FIP1L1: variants seen among roughly 807,000 people sequenced by gnomAD.
FIP1L1 encodes factor interacting with PAPOLA and CPSF1.
FIP1L1 carries 21 observed loss-of-function variants against 84.6 expected under a neutral mutation model. The ratio of observed to expected loss-of-function variants is 0.25; its 90% confidence interval spans 0.18 to 0.36. The LOEUF (loss-of-function observed/expected upper bound fraction) is 0.36. FIP1L1 is among the 10% of genes least tolerant of loss of function. The probability of loss-of-function intolerance (pLI) is 1.00; values close to 1 mark genes in which losing one functional copy is unlikely to be tolerated. For synonymous variants in FIP1L1, 263 were observed against 242.3 expected, an observed-to-expected ratio of 1.09 and a Z score of -0.80; for missense variants, 526 against 751.1, an observed-to-expected ratio of 0.70 and a Z score of 3.50.
chr4:53,428,274 A>C, intron 13 of FIP1L1, 91 bp downstream of exon 13: 1 of 1,258,418 alleles, frequency 7.9e-7, no homozygotes. Context: ...TATCTTGATC[A>C]CATTTCATTA....
At chr4:53,425,846 G>T (rs1764120639) in intron 11 of FIP1L1, 26 bp from the exon 12 acceptor site, 1 of 1,530,612 alleles carries the variant, frequency 6.5e-7, no homozygotes, top group South Asian at 1.2e-5. Flanking sequence ...AGGTGAAACT[G>T]AATTGATTCA....
At chr4:53,452,806 C>G (rs1298612648) in intron 15 of FIP1L1, 114 bp from the exon 16 acceptor site, 1 of 744,916 alleles carries the variant, frequency 1.3e-6, no homozygotes, top group African/African-American at 1.8e-5. Context: ...TGTGATATTT[C>G]TCTTTTCTAT....
chr4:53,434,680 C>A (rs1768293448), intron 13 of FIP1L1, among the ~76,000 whole-genome samples: 1 of 152,104 alleles, frequency 6.6e-6, no homozygotes, highest in Non-Finnish European at 1.5e-5. Context: ...GTTGGTCAGG[C>A]TGGTCTTGAA....
rs200532181 is a variant in FIP1L1, at chr4:53,390,643, G to A, written c.505+15G>A. The A allele has an allele frequency of 7.2e-5, 109 of 1,518,470 alleles. No homozygotes were observed. In the African/African-American group the frequency reaches 7.9e-4, roughly 11 times the overall value. 94.1% of individuals were successfully genotyped at this position (1,518,470 alleles called of 1,614,324 possible). Reference sequence around the variant, plus strand: ...GCGTAAACCTGGTAAGATTATTGTGGATTATATTAATTTCAATATTTTCAG... The same window carrying A: ...GCGTAAACCTGGTAAGATTATTGTGAATTATATTAATTTCAATATTTTCAG... On this transcript the variant is annotated intron_variant, in intron 7 of 17. Transcript: ENST00000337488.
intron 11 of FIP1L1, among the ~76,000 whole-genome samples, chr4:53,420,066 C>T (rs1365082913): frequency 1.6e-4 from 25 of 151,880 alleles, no homozygotes; most frequent in African/African-American, 5.5e-4. Context: ...GGCGCGGTGG[C>T]GAGCGCCTGT....
chr4:53,453,126 T>C lies in FIP1L1; in HGVS notation c.1492T>C (p.Phe498Leu). 1.2e-6 allele frequency: 2 copies of C among 1,614,078 alleles called. No individual in the cohort carries two copies. The highest frequency in any genetic ancestry group is 8.5e-7 in the Non-Finnish European group (1 of 1,179,974). ...ERDHSPTPSV[F>L]NSDEERYRYR... ...TGATCACAGTCCTACACCAAGTGTT[T>C]TCAACAGGTTTGTTGGGTGTGCAGG... Residue 498 changes from phenylalanine to leucine, a missense_variant, in exon 16 of 18, where the codon TTC becomes CTC. Around this residue, in one of 6 missense-constraint regions of FIP1L1, gnomAD observed 89 missense variants for 169.0 expected, o/e 0.53. Coordinates refer to ENST00000337488, the MANE Select transcript of FIP1L1 (RefSeq NM_030917.4).
At chr4:53,419,057 T>C (rs1761044572) in intron 11 of FIP1L1, among the ~76,000 whole-genome samples, 1 of 152,172 alleles carries the variant, frequency 6.6e-6, no homozygotes, top group Non-Finnish European at 1.5e-5. Flanking sequence ...AAGATTCTTG[T>C]AGAGCTGTGT....
At chr4:53,449,822 AGTTTTT>A (rs534907806) in intron 15 of FIP1L1, among the ~76,000 whole-genome samples, 2 of 152,036 alleles carry the variant, frequency 1.3e-5, no homozygotes, top group Non-Finnish European at 2.9e-5. Context: ...GAGTTTGGTA[AGTTTTT>A]GTTTTTGTTT....
rs1175495615 is a variant in FIP1L1 at position 53,413,635 on chromosome 4, TAC to T, written c.816-978_816-977del. ...CCTATTCAGTAGTTTAGGATTTGTT[TAC>T]AGTTTTTTCTTTGTCTCTTTTTAGG... On this transcript the variant is annotated intron_variant, in intron 10 of 17. Transcript: ENST00000337488. 2.0e-5 allele frequency among the ~76,000 whole-genome samples: 3 copies of T among 152,238 alleles called. No homozygotes were observed. In the East Asian group the frequency reaches 5.8e-4, roughly 29 times the overall value.
intron 13 of FIP1L1, among the ~76,000 whole-genome samples, chr4:53,436,862 A>G (rs966010291): frequency 2.0e-5 from 3 of 151,576 alleles, no homozygotes; most frequent in African/African-American, 7.3e-5. Flanking sequence ...TCTTACCCCC[A>G]CCCACTTTTA....
At chr4:53,410,466 A>G (rs1346345215) in intron 10 of FIP1L1, among the ~76,000 whole-genome samples, 1 of 152,192 alleles carries the variant, frequency 6.6e-6, no homozygotes, top group Non-Finnish European at 1.5e-5. Context: ...CTACCACTGC[A>G]CTGTATGCTC....
chr4:53,390,167 C>T (rs1286522258), intron 6 of FIP1L1, among the ~76,000 whole-genome samples: 7 of 152,088 alleles, frequency 4.6e-5, no homozygotes, highest in African/African-American at 1.7e-4. Flanking sequence ...CTTGAACTTT[C>T]GAGCTTAAGT....
chr4:53,460,658 A>G lies in FIP1L1; in HGVS notation c.*1209A>G. On this transcript the variant is annotated 3_prime_UTR_variant, in exon 18 of 18. Coordinates refer to ENST00000337488, the MANE Select transcript of FIP1L1 (RefSeq NM_030917.4). Reference sequence around the variant, plus strand: ...TAGTTGTTTTAGGGCTTTTTATTGAATAGAAAAAATATAAACAATGTTGTA... The same window carrying G: ...TAGTTGTTTTAGGGCTTTTTATTGAGTAGAAAAAATATAAACAATGTTGTA... 2.6e-6 allele frequency: 1 copy of G among 380,716 alleles called. No individual in the cohort carries two copies. The highest frequency in any genetic ancestry group is 4.6e-6 in the Non-Finnish European group (1 of 216,532). 23.6% of individuals were successfully genotyped at this position (380,716 alleles called of 1,614,324 possible). A position where few individuals can be genotyped will look rare whatever the true frequency, so the allele number is the denominator to read the frequency against.
intron 5 of FIP1L1, among the ~76,000 whole-genome samples, chr4:53,386,093 G>A (rs991230070): frequency 6.7e-6 from 1 of 148,848 alleles, no homozygotes; most frequent in African/African-American, 2.5e-5. Context: ...TTATATGTAA[G>A]TAAGGTATGA....
intron 10 of FIP1L1, among the ~76,000 whole-genome samples, chr4:53,401,658 GT>G (rs926117342): frequency 1.3e-5 from 2 of 152,198 alleles, no homozygotes; most frequent in Non-Finnish European, 2.9e-5. Flanking sequence ...TGAATCCAAG[GT>G]TTTTGTTCTG....
intron 13 of FIP1L1, chr4:53,442,425 G>A (rs1463084044): frequency 4.5e-6 from 2 of 440,108 alleles, no homozygotes; most frequent in Admixed American, 8.0e-5. Context: ...CCGGTGTCCT[G>A]ACTCCCAGTT....
At chr4:53,391,917 A>G (rs1029189195) in intron 9 of FIP1L1, among the ~76,000 whole-genome samples, 12 of 152,188 alleles carry the variant, frequency 7.9e-5, no homozygotes, top group Non-Finnish European at 1.8e-4. Flanking sequence ...TATAACACTG[A>G]TATCATTGGT....
chr4:53,378,562 A>G (rs1225855398), intron 1 of FIP1L1: 1 of 152,980 alleles, frequency 6.5e-6, no homozygotes, highest in Non-Finnish European at 1.5e-5. Context: ...ACTACCGTTT[A>G]ACCTACATCA....
intron 15 of FIP1L1, 75 bp from the exon 16 acceptor site, chr4:53,452,845 A>G: frequency 1.9e-6 from 2 of 1,053,344 alleles, no homozygotes; most frequent in Admixed American, 1.8e-5. Flanking sequence ...TTATAATCTC[A>G]TGACACATTT....
Sources: gnomAD v4.1 joint callset for allele counts (sites outside exome capture counted in the v4.1 genomes callset) on GRCh38, gnomAD v4.1.1 for gene constraint, gnomAD v4.1.1 regional missense constraint, MANE v1.5 for transcripts, NCBI Gene and HGNC (gene_info 2026-07-23, HGNC 2026-07-21) for gene names.